The following AAK1 variants were observed in gnomAD, a reference collection of about 807,000 sequenced individuals.
AAK1 encodes the protein AP2-associated protein kinase 1.
Under a neutral mutation model 116.0 loss-of-function variants are expected in AAK1, and 37 were observed. The observed-to-expected ratio is 0.32, with a 90% confidence interval of 0.25 to 0.42. The LOEUF is 0.42. AAK1 is among the 10% of genes least tolerant of loss of function. The probability of loss-of-function intolerance (pLI) is 1.00; values close to 1 mark genes in which losing one functional copy is unlikely to be tolerated. For missense variants in AAK1, 919 were observed against 1,170.6 expected (o/e 0.79, Z 3.14); for synonymous variants, 458 against 439.9 (o/e 1.04, Z -0.51).
At chr2:69,494,039 A>C (rs1675644556) in intron 17 of AAK1, among the ~76,000 whole-genome samples, 1 of 152,212 alleles carries the variant, frequency 6.6e-6, no homozygotes. Context: ...ACCAAAGCAC[A>C]GAAGAGTTAA....
chr2:69,524,730 G>T (rs1669946439), intron 10 of AAK1, among the ~76,000 whole-genome samples: 1 of 152,194 alleles, frequency 6.6e-6, no homozygotes, highest in African/African-American at 2.4e-5. Flanking sequence ...ACCACGCCTG[G>T]CCGTACTAGC....
intron 2 of AAK1, chr2:69,598,310 A>G (rs1484873245): frequency 1.9e-5 from 7 of 363,922 alleles, no homozygotes; most frequent in East Asian, 4.5e-5. Context: ...CAAAAACCCC[A>G]TATTTTATAC....
At chr2:69,520,051 G>T in intron 11 of AAK1, 1 of 219,736 alleles carries the variant, frequency 4.6e-6, no homozygotes, top group Non-Finnish European at 9.7e-6. Context: ...ATTTTTGTAG[G>T]CTGGGAGGCA....
intron 2 of AAK1, among the ~76,000 whole-genome samples, chr2:69,608,174 C>G (rs567389703): frequency 3.3e-5 from 5 of 152,140 alleles, no homozygotes; most frequent in Non-Finnish European, 7.4e-5. Flanking sequence ...CTGCAGGACA[C>G]AAAAGAAGGC....
chr2:69,480,894 T>A lies in AAK1; in HGVS notation c.2535A>T (p.Pro845=), dbSNP rs1181178227. The A allele has an allele frequency of 2.5e-6, 4 of 1,606,242 alleles. No individual in the cohort carries two copies. The highest frequency in any genetic ancestry group is 3.4e-6 in the Non-Finnish European group (4 of 1,176,988). The part of the protein sequence containing the change: ...GLEPPVPQRL[P]SQTESVTSNR... ...TCGAGGTCACAGATTCCGTCTGAGA[T>A]GGGAGGCGCTGGGGAACTGGGGGCT... Residue 845 remains proline, a synonymous_variant, in exon 19 of 22, where the codon CCA becomes CCT. Coordinates refer to ENST00000409085, the MANE Select transcript of AAK1 (RefSeq NM_014911.5).
In AAK1 at chr2:69,530,613, C is replaced by T. The variant is rs1670216778; in HGVS notation, c.738+12G>A. ...TGCTATCTGAGGTATGGATAGGTTA[C>T]CTGACACCTACCCAAATGTCTGCCT... On this transcript the variant is annotated intron_variant, in intron 7 of 21. Coordinates refer to ENST00000409085, the MANE Select transcript of AAK1 (RefSeq NM_014911.5). 2 of 1,610,042 alleles carry T rather than the reference C, an allele frequency of 1.2e-6. No homozygotes were observed. Among genetic ancestry groups the T allele is most frequent in the East Asian group, 4.5e-5 (2 of 44,858 alleles).
chr2:69,622,922 A>C (rs1674719554), intron 2 of AAK1, among the ~76,000 whole-genome samples: 1 of 152,134 alleles, frequency 6.6e-6, no homozygotes, highest in South Asian at 2.1e-4. Flanking sequence ...CTCTCTGTAA[A>C]ACAGACCAAT....
At chr2:69,628,759 T>C (rs1246921333) in intron 2 of AAK1, among the ~76,000 whole-genome samples, 1 of 152,222 alleles carries the variant, frequency 6.6e-6, no homozygotes, top group Non-Finnish European at 1.5e-5. Context: ...ATTAACTTTT[T>C]TCAAGGAAAT....
intron 10 of AAK1, among the ~76,000 whole-genome samples, chr2:69,523,673 G>C (rs1483811490): frequency 6.6e-6 from 1 of 152,162 alleles, no homozygotes; most frequent in Non-Finnish European, 1.5e-5. Flanking sequence ...CATCTACAGG[G>C]AGCATAAAAC....
chr2:69,550,810 T>C (rs1671147723), intron 3 of AAK1, among the ~76,000 whole-genome samples: 1 of 152,110 alleles, frequency 6.6e-6, no homozygotes, highest in Non-Finnish European at 1.5e-5. Context: ...GAGACAGGGT[T>C]TGGCCATTTT....
intron 17 of AAK1, among the ~76,000 whole-genome samples, chr2:69,487,447 T>C (rs1312035686): frequency 6.6e-6 from 1 of 152,214 alleles, no homozygotes; most frequent in East Asian, 1.9e-4. Context: ...AAGTGTTCCT[T>C]AAGATCCAAA....
chr2:69,482,946 C>T (rs1675152339), intron 17 of AAK1, 134 bp from the exon 18 acceptor site: 1 of 613,260 alleles, frequency 1.6e-6, no homozygotes, highest in South Asian at 2.0e-5. Context: ...AAAATGAATG[C>T]TATTAATATC....
chr2:69,625,599 T>C (rs192007567), intron 2 of AAK1, among the ~76,000 whole-genome samples: 4 of 152,284 alleles, frequency 2.6e-5, no homozygotes, highest in Admixed American at 2.6e-4. Context: ...CAGTATGTGG[T>C]GAGGTCACTA....
intron 6 of AAK1, among the ~76,000 whole-genome samples, chr2:69,531,307 A>G (rs1328291628): frequency 2.0e-5 from 3 of 152,202 alleles, no homozygotes; most frequent in Non-Finnish European, 2.9e-5. Context: ...TAGATCCCAG[A>G]TGGGACACGT....
chr2:69,465,635 T>G lies in AAK1; in HGVS notation c.*10234A>C, dbSNP rs969810139. 1.1e-4 allele frequency: 143 copies of G among 1,290,814 alleles called. No individual in the cohort carries two copies. Among genetic ancestry groups the G allele is most frequent in the Non-Finnish European group, 1.4e-4 (134 of 988,884 alleles). 80.0% of individuals were successfully genotyped at this position (1,290,814 alleles called of 1,614,324 possible). ...GGCTATAGTGACGGGAATACTTGGA[T>G]AAGGACTGGGGGCGGAATGGTTTGC... On this transcript the variant is annotated 3_prime_UTR_variant, in exon 22 of 22. Transcript: ENST00000409085.
At position 69,519,062 on chromosome 2, in the gene AAK1, G is replaced by C; in HGVS notation, c.1389C>G (p.His463Gln). The change falls in exon 12 of 22, where the codon CAC becomes CAG. Residue 463 changes from histidine (H) to glutamine (Q), a missense_variant. His to Gln is a conservative substitution (Grantham distance 24). This residue lies in a region of AAK1 where 214 missense variants were observed against 210.6 expected (regional missense o/e 1.02). Coordinates refer to ENST00000409085, the MANE Select transcript of AAK1 (RefSeq NM_014911.5). ...GCTGCTTGAGGAAGAGTTGCTGCTG[G>C]TGCTGGGGTGTGGCCTGGGCCTGAG... ...LPAQAQATPQ[H>Q]QQQLFLKQQQ... 2.6e-6 allele frequency: 4 copies of C among 1,551,192 alleles called. No individual in the cohort carries two copies. The highest frequency in any genetic ancestry group is 3.5e-6 in the Non-Finnish European group (4 of 1,146,802).
rs1199791367 is a variant in AAK1, at chr2:69,470,521, C to T, written c.*5348G>A. 2 of 985,330 alleles carry T rather than the reference C, an allele frequency of 2.0e-6. No individual in the cohort carries two copies. The highest frequency in any genetic ancestry group is 3.5e-5 in the African/African-American group (2 of 57,248). The allele number at this position is 985,330 out of a possible 1,614,324, so 61.0% of individuals were successfully genotyped here. Reference sequence around the variant, plus strand: ...AAGCCAAAAATGGCCAGCTGTGCCTCTCAGGCCAATGAGGCAATTAAATGA... The same window carrying T: ...AAGCCAAAAATGGCCAGCTGTGCCTTTCAGGCCAATGAGGCAATTAAATGA... On this transcript the variant is annotated 3_prime_UTR_variant, in exon 22 of 22. Transcript: ENST00000409085.
rs1672249562 is a variant in AAK1 at position 69,575,043 on chromosome 2, A to G, written c.164-18065T>C. Among the ~76,000 whole-genome samples, 5 of 151,576 alleles carry G rather than the reference A, an allele frequency of 3.3e-5. 1 individual carries two copies. In the South Asian group the frequency reaches 1.0e-3, roughly 32 times the overall value. ...TACAAAAAAAAAAAAAAAACCACAC[A>G]CACAACAAAATGCTGTGACTAAAAC... On this transcript the variant is annotated intron_variant, in intron 2 of 21. Transcript: ENST00000409085.
At chr2:69,550,132 A>G (rs1231982319) in intron 3 of AAK1, among the ~76,000 whole-genome samples, 1 of 152,146 alleles carries the variant, frequency 6.6e-6, no homozygotes, top group African/African-American at 2.4e-5. Flanking sequence ...TGTCCTTATC[A>G]AAACACCTGG....
Sources: gnomAD v4.1 joint callset for allele counts (sites outside exome capture counted in the v4.1 genomes callset) on GRCh38, gnomAD v4.1.1 for gene constraint, gnomAD v4.1.1 regional missense constraint, MANE v1.5 for transcripts, NCBI Gene and HGNC (gene_info 2026-07-23, HGNC 2026-07-21) for gene names.